Variants in PHF3 observed in about 807,000 individuals in gnomAD.
The protein encoded by PHF3 is PHD finger protein 3.
In PHF3, 41 loss-of-function variants were observed where a neutral mutation model predicts 178.4. That is an observed-to-expected ratio of 0.23 (90% confidence interval 0.18 to 0.30). PHF3 has a LOEUF of 0.30. Ranked by LOEUF, PHF3 falls within the 10% of genes least tolerant of loss-of-function variation. The pLI, the probability that PHF3 is intolerant of heterozygous loss-of-function variation, is 1.00. For synonymous variants in PHF3, 842 were observed against 800.5 expected, an observed-to-expected ratio of 1.05 and a Z score of -0.88; for missense variants, 2,346 against 2,398.1, an observed-to-expected ratio of 0.98 and a Z score of 0.45.
rs1378636362 is a variant in PHF3 at position 63,713,286 on chromosome 6, C to T, written c.5698C>T (p.Pro1900Ser). 4 of 1,613,942 alleles carry T rather than the reference C, an allele frequency of 2.5e-6. No individual in the cohort carries two copies. Among genetic ancestry groups the T allele is most frequent in the African/African-American group, 1.3e-5 (1 of 74,966 alleles). The change falls in exon 16 of 16, where the codon CCT (proline) becomes TCT (serine). Residue 1900 changes from proline to serine, a missense_variant. By Grantham distance (74) the Pro-to-Ser change is moderately conservative. Around this residue, in one of 8 missense-constraint regions of PHF3, gnomAD observed 839 missense variants for 806.9 expected, o/e 1.04. Coordinates refer to ENST00000262043, the MANE Select transcript of PHF3 (RefSeq NM_001370348.2). ...GAGGCCAGAAAGGCGCCATAGTGAC[C>T]CTTGGGGTAGGCAAGACCAACAGCA... is the stretch of plus-strand genomic sequence containing the variant. ...IRRPERRHSD[P>S]WGRQDQQQLD...
At chr6:63,697,344 AGGT>A in intron 6 of PHF3, among the ~76,000 whole-genome samples, 1 of 152,092 alleles carries the variant, frequency 6.6e-6, no homozygotes, top group Non-Finnish European at 1.5e-5. Flanking sequence ...GTTGAGAAGG[AGGT>A]ATTGTTGGTT....
intron 4 of PHF3, chr6:63,686,167 A>G (rs917435770): frequency 2.4e-6 from 1 of 413,884 alleles, no homozygotes; most frequent in Admixed American, 4.1e-5. Flanking sequence ...TGTCATTGTC[A>G]CAGGTTAGAC....
intron 2 of PHF3, among the ~76,000 whole-genome samples, chr6:63,656,748 T>G (rs994670070): frequency 6.6e-6 from 1 of 152,228 alleles, no homozygotes; most frequent in Non-Finnish European, 1.5e-5. Context: ...GGTAATTTTC[T>G]AATACTCTCA....
chr6:63,666,357 A>C (rs920803546), intron 2 of PHF3, among the ~76,000 whole-genome samples: 4 of 151,962 alleles, frequency 2.6e-5, no homozygotes, highest in Non-Finnish European at 5.9e-5. Context: ...AGTTCATCTT[A>C]GTTTCTTACG....
In PHF3 at chr6:63,685,422, C is replaced by G; in HGVS notation, c.1700C>G (p.Ser567Cys). The G allele has an allele frequency of 1.9e-6, 3 of 1,613,972 alleles. No homozygotes were observed. The highest frequency in any genetic ancestry group is 2.5e-6 in the Non-Finnish European group (3 of 1,179,960). Reference sequence around the variant, plus strand: ...CAGAGTTGCAATTCTGGGGTTAAATCTGTGAAAAACCAAGCTCATTCTGTA... The same window carrying G: ...CAGAGTTGCAATTCTGGGGTTAAATGTGTGAAAAACCAAGCTCATTCTGTA... ...KIQSCNSGVK[S>C]VKNQAHSVLK... Residue 567 changes from serine to cysteine, a missense_variant, in exon 4 of 16, where the codon TCT becomes TGT. By Grantham distance (112) the Ser-to-Cys change is moderately radical. Around this residue, in one of 8 missense-constraint regions of PHF3, gnomAD observed 843 missense variants for 795.2 expected, o/e 1.06. Coordinates refer to ENST00000262043, the MANE Select transcript of PHF3 (RefSeq NM_001370348.2).
chr6:63,655,156 C>T (rs1206906141), intron 2 of PHF3, among the ~76,000 whole-genome samples: 2 of 151,990 alleles, frequency 1.3e-5, no homozygotes, highest in Admixed American at 6.6e-5. Context: ...CTCCGCCTCC[C>T]GGGTTCAAGC....
intron 1 of PHF3, among the ~76,000 whole-genome samples, chr6:63,643,173 G>A (rs1581990646): frequency 6.6e-6 from 1 of 151,790 alleles, no homozygotes; most frequent in Non-Finnish European, 1.5e-5. Flanking sequence ...GTACCACATT[G>A]TGTTTAATAG....
chr6:63,641,806 T>C (rs1764588756), intron 1 of PHF3, among the ~76,000 whole-genome samples: 1 of 152,050 alleles, frequency 6.6e-6, no homozygotes, highest in African/African-American at 2.4e-5. Flanking sequence ...TTTTTTGTTT[T>C]TAGTAGAGAC....
At position 63,720,794 on chromosome 6, in the gene PHF3, T is replaced by G. The variant is rs139944387; in HGVS notation, c.*7086T>G. The G allele has an allele frequency of 6.4e-7, 1 of 1,551,126 alleles. No individual in the cohort carries two copies. Among genetic ancestry groups the G allele is most frequent in the Non-Finnish European group, 8.7e-7 (1 of 1,146,598 alleles). ...CTAGATAACAAATGCCATCATAGTTTAGAGCCACAAAGTTTTTATGTGGAT... is the reference window on the plus strand; with the variant it reads ...CTAGATAACAAATGCCATCATAGTTGAGAGCCACAAAGTTTTTATGTGGAT... On this transcript the variant is annotated 3_prime_UTR_variant, in exon 16 of 16. Coordinates refer to ENST00000262043, the MANE Select transcript of PHF3 (RefSeq NM_001370348.2).
chr6:63,656,119 A>G (rs1765224268), intron 2 of PHF3, among the ~76,000 whole-genome samples: 1 of 152,244 alleles, frequency 6.6e-6, no homozygotes, highest in Non-Finnish European at 1.5e-5. Flanking sequence ...AGAGTAGGGA[A>G]TTTCTGGCCC....
rs757340278 is a variant in PHF3 at position 63,712,711 on chromosome 6, C to T, written c.5123C>T (p.Ser1708Leu). 33 of 1,613,792 alleles carry T rather than the reference C, an allele frequency of 2.0e-5. No individual in the cohort carries two copies. The highest frequency in any genetic ancestry group is 8.3e-5 in the Admixed American group (5 of 59,964). ...EEKLCSAEKNSCVQQSDNLKV... is the reference protein window; with the variant it reads ...EEKLCSAEKNLCVQQSDNLKV... ...AAGTTGTGTTCTGCAGAGAAAAACT[C>T]GTGTGTTCAGCAGAGTGACAATTTA... Residue 1708 changes from serine (S) to leucine (L), a missense_variant, in exon 16 of 16, where the codon TCG becomes TTG. Physicochemically the swap from Ser to Leu is moderately radical, Grantham distance 145 (BLOSUM62 -2). Coordinates refer to ENST00000262043, the MANE Select transcript of PHF3 (RefSeq NM_001370348.2).
At chr6:63,660,652 T>G (rs1161292879) in intron 2 of PHF3, among the ~76,000 whole-genome samples, 1 of 152,186 alleles carries the variant, frequency 6.6e-6, no homozygotes. Flanking sequence ...GGAGAGGTTG[T>G]CTGCCATGAG....
At chr6:63,673,773 T>C (rs1766030396) in intron 2 of PHF3, among the ~76,000 whole-genome samples, 1 of 152,072 alleles carries the variant, frequency 6.6e-6, no homozygotes, top group African/African-American at 2.4e-5. Context: ...ACCTACCAGG[T>C]AAGAAAAAGT....
Position 63,721,238 on chromosome 6 carries a change from T to C in PHF3, c.*7530T>C, listed in dbSNP as rs1215751447. On this transcript the variant is annotated 3_prime_UTR_variant, in exon 16 of 16. Coordinates refer to ENST00000262043, the MANE Select transcript of PHF3 (RefSeq NM_001370348.2). ...TACACAGGCAACTGTAAGAAAATGA[T>C]TGGTCAGGTATACATAAAGATTGGT... The C allele has an allele frequency of 3.2e-6, 5 of 1,551,720 alleles. No homozygotes were observed. Among genetic ancestry groups the C allele is most frequent in the Non-Finnish European group, 4.4e-6 (5 of 1,146,968 alleles).
chr6:63,691,049 AAG>A lies in PHF3; in HGVS notation c.2190-686_2190-685del, dbSNP rs938730101. Among the ~76,000 whole-genome samples the A allele has an allele frequency of 7.9e-5, 12 of 152,300 alleles. No homozygotes were observed. The Middle Eastern group carries it at 0.01, about 130-fold the overall frequency. On this transcript the variant is annotated intron_variant, in intron 4 of 15. Coordinates refer to ENST00000262043, the MANE Select transcript of PHF3 (RefSeq NM_001370348.2). ...TAGAATAGTGATCTTTATTTGGAAA[AAG>A]AAATTTATCTAAAACACATGGTCAT...
At chr6:63,641,287 G>T (rs1764559932) in intron 1 of PHF3, among the ~76,000 whole-genome samples, 1 of 151,980 alleles carries the variant, frequency 6.6e-6, no homozygotes, top group Non-Finnish European at 1.5e-5. Context: ...CAAATGTTAC[G>T]CTGTGAGGCC....
rs1768234170 is a variant in PHF3 at position 63,717,804 on chromosome 6, T to G, written c.*4096T>G. On this transcript the variant is annotated 3_prime_UTR_variant, in exon 16 of 16. Coordinates refer to ENST00000262043, the MANE Select transcript of PHF3 (RefSeq NM_001370348.2). ...AGCTGTCTTTTAAAACTCCTTATTT[T>G]AAGATAATTTTGTCCTCAAAGTAAT... Among the ~76,000 whole-genome samples, 1 of 152,062 alleles carries G rather than the reference T, an allele frequency of 6.6e-6. No individual in the cohort carries two copies. Among genetic ancestry groups the G allele is most frequent in the East Asian group, 1.9e-4 (1 of 5,204 alleles).
chr6:63,669,222 A>AT (rs1380045677), intron 2 of PHF3, among the ~76,000 whole-genome samples: 2 of 152,226 alleles, frequency 1.3e-5, no homozygotes, highest in African/African-American at 4.8e-5. Context: ...CATTTAAAAA[A>AT]CTATATTGAT....
chr6:63,698,291 G>A lies in PHF3; in HGVS notation c.2749G>A (p.Ala917Thr). Residue 917 changes from alanine (A) to threonine (T), a missense_variant, in exon 7 of 16, where the codon GCT becomes ACT. Coordinates refer to ENST00000262043, the MANE Select transcript of PHF3 (RefSeq NM_001370348.2). ...AGGAGTGCTTAATGTACATCCTGCT[G>A]CTTCTGCTTCCAAGCCTTCTGCAGA... ...EKGVLNVHPA[A>T]SASKPSADQI... is the part of the protein sequence containing the mutation. 1 of 1,613,010 alleles carries A rather than the reference G, an allele frequency of 6.2e-7. No individual in the cohort carries two copies. Among genetic ancestry groups the A allele is most frequent in the South Asian group, 1.1e-5 (1 of 90,976 alleles).
Sources: allele counts gnomAD v4.1 joint callset (sites outside exome capture counted in the v4.1 genomes callset), GRCh38; gene constraint gnomAD v4.1.1; regional missense constraint gnomAD v4.1.1; transcripts MANE v1.5; gene names NCBI Gene and HGNC (gene_info 2026-07-23, HGNC 2026-07-21).